Variants in SEPTIN2 observed in about 807,000 individuals in gnomAD.
The protein encoded by SEPTIN2 is septin 2.
A neutral mutation model predicts 46.5 loss-of-function variants in SEPTIN2; 34 were observed. The observed-to-expected ratio is 0.73, with a 90% CI of 0.56 to 0.97. The LOEUF is 0.97. Among genes scored for constraint, SEPTIN2 ranks in the 50% least tolerant of loss-of-function variants. The pLI, the probability that SEPTIN2 is intolerant of heterozygous loss-of-function variation, is 0.00. For synonymous variants in SEPTIN2, 175 were observed against 153.4 expected, an observed-to-expected ratio of 1.14 and a Z score of -1.04; for missense variants, 347 against 448.4, an observed-to-expected ratio of 0.77 and a Z score of 2.04.
chr2:241,335,288 G>A (rs1397245082), intron 4 of SEPTIN2, 76 bp downstream of exon 4: 2 of 1,572,162 alleles, frequency 1.3e-6, no homozygotes, highest in Admixed American at 3.7e-5. Context: ...AATATTTTAT[G>A]TCTTAGCTGT....
At chr2:241,344,469 C>T (rs2081707749) in intron 9 of SEPTIN2, among the ~76,000 whole-genome samples, 1 of 152,192 alleles carries the variant, frequency 6.6e-6, no homozygotes, top group Non-Finnish European at 1.5e-5. Context: ...GAGGCTGAGG[C>T]AGGCAGATCA....
intron 3 of SEPTIN2, among the ~76,000 whole-genome samples, chr2:241,333,381 C>G (rs2079345533): frequency 6.6e-6 from 1 of 152,206 alleles, no homozygotes; most frequent in South Asian, 2.1e-4. Flanking sequence ...AATGGGATAA[C>G]AGGCATTTAG....
At chr2:241,330,886 T>C (rs2078877595) in intron 3 of SEPTIN2, among the ~76,000 whole-genome samples, 1 of 152,142 alleles carries the variant, frequency 6.6e-6, no homozygotes, top group African/African-American at 2.4e-5. Context: ...GATAAGAAAT[T>C]AGGCTGAGTG....
chr2:241,337,855 G>A, intron 7 of SEPTIN2, 65 bp downstream of exon 7: 2 of 1,164,486 alleles, frequency 1.7e-6, no homozygotes, highest in Admixed American at 3.5e-5. Flanking sequence ...ATGAAGAAAG[G>A]AGTGTGTTCC....
chr2:241,318,872 A>G (rs2076748358), intron 1 of SEPTIN2, among the ~76,000 whole-genome samples: 1 of 151,646 alleles, frequency 6.6e-6, no homozygotes, highest in Non-Finnish European at 1.5e-5. Context: ...TAATTTTTGT[A>G]TTTTTGGTAG....
At chr2:241,339,998 C>T (rs1244957218) in intron 7 of SEPTIN2, among the ~76,000 whole-genome samples, 2 of 152,162 alleles carry the variant, frequency 1.3e-5, no homozygotes, top group Non-Finnish European at 2.9e-5. Context: ...TTGTAATGAA[C>T]ACTGGTGTAC....
chr2:241,318,771 G>C lies in SEPTIN2; in HGVS notation c.-18+2789G>C, dbSNP rs573380911. On this transcript the variant is annotated intron_variant, in intron 1 of 12. Coordinates refer to ENST00000391971, the MANE Select transcript of SEPTIN2 (RefSeq NM_004404.5). ...GCTGGAGTGCAGTGGTGCGATCTCA[G>C]CTCACTGCACCCTCCACCTCCCGGG... 9.4e-5 allele frequency among the ~76,000 whole-genome samples: 14 copies of C among 149,324 alleles called. 1 individual carries two copies. The South Asian group carries it at 2.9e-3, about 31-fold the overall frequency.
intron 3 of SEPTIN2, among the ~76,000 whole-genome samples, chr2:241,333,339 C>T (rs1378471659): frequency 6.6e-6 from 1 of 152,114 alleles, no homozygotes; most frequent in African/African-American, 2.4e-5. Flanking sequence ...GGTAAAGGGG[C>T]ATTGCACCAC....
intron 10 of SEPTIN2, 143 bp downstream of exon 10, chr2:241,346,392 T>G: frequency 1.8e-6 from 1 of 546,724 alleles, no homozygotes; most frequent in African/African-American, 1.9e-5. Context: ...AAAGAGTTGT[T>G]AATTTAATCA....
intron 1 of SEPTIN2, chr2:241,316,442 C>G: frequency 7.0e-7 from 1 of 1,422,282 alleles, no homozygotes; most frequent in Non-Finnish European, 9.3e-7. Flanking sequence ...CTGGCCAGCC[C>G]CCAAACCTCC....
intron 7 of SEPTIN2, among the ~76,000 whole-genome samples, chr2:241,341,725 G>C (rs892801707): frequency 6.6e-6 from 1 of 152,160 alleles, no homozygotes; most frequent in Non-Finnish European, 1.5e-5. Context: ...CCCTTTTTAG[G>C]TCACATTAAG....
intron 3 of SEPTIN2, 77 bp from the exon 4 acceptor site, chr2:241,335,049 G>C (rs1022712545): frequency 1.1e-6 from 1 of 948,138 alleles, no homozygotes; most frequent in African/African-American, 1.6e-5. Context: ...CCAGTACCAG[G>C]CCTTATGTAA....
intron 3 of SEPTIN2, among the ~76,000 whole-genome samples, chr2:241,332,850 A>G (rs1262188205): frequency 1.3e-5 from 2 of 152,252 alleles, no homozygotes; most frequent in Non-Finnish European, 2.9e-5. Context: ...TTGTTGAGCA[A>G]AAGCAGCCAG....
intron 1 of SEPTIN2, among the ~76,000 whole-genome samples, chr2:241,322,592 C>T (rs1245351327): frequency 2.7e-5 from 4 of 148,858 alleles, no homozygotes; most frequent in South Asian, 2.1e-4. Context: ...GGAGACAATG[C>T]GAGACTCCGT....
At chr2:241,345,841 T>C (rs1216814328) in intron 9 of SEPTIN2, among the ~76,000 whole-genome samples, 2 of 152,238 alleles carry the variant, frequency 1.3e-5, no homozygotes, top group Non-Finnish European at 2.9e-5. Flanking sequence ...ATTGTTGACC[T>C]GAAAATCTCT....
chr2:241,326,206 G>T, intron 3 of SEPTIN2, 93 bp downstream of exon 3: 1 of 1,252,094 alleles, frequency 8.0e-7, no homozygotes, highest in Admixed American at 2.7e-5. Flanking sequence ...AAAGAAAGAG[G>T]AAAATTTGGC....
intron 3 of SEPTIN2, among the ~76,000 whole-genome samples, chr2:241,333,573 G>A (rs1291502226): frequency 1.3e-5 from 2 of 152,166 alleles, no homozygotes; most frequent in East Asian, 1.9e-4. Flanking sequence ...GCAGTGGTGC[G>A]ATCTCGGCTC....
chr2:241,329,101 G>A (rs1465868738), intron 3 of SEPTIN2, among the ~76,000 whole-genome samples: 2 of 152,026 alleles, frequency 1.3e-5, no homozygotes, highest in Non-Finnish European at 2.9e-5. Context: ...ATCTTTTGTT[G>A]TTGTTGTTGT....
intron 1 of SEPTIN2, chr2:241,320,285 T>C (rs1194283314): frequency 4.2e-6 from 2 of 471,096 alleles, no homozygotes; most frequent in Admixed American, 4.7e-5. Context: ...GTCCTTTTCA[T>C]TGGTATGTCT....
Sources: allele counts gnomAD v4.1 joint callset (sites outside exome capture counted in the v4.1 genomes callset), GRCh38; gene constraint gnomAD v4.1.1; transcripts MANE v1.5; gene names NCBI Gene and HGNC (gene_info 2026-07-23, HGNC 2026-07-21).